Variants in RHBDD3 observed in about 807,000 individuals in gnomAD.
RHBDD3 encodes the protein rhomboid domain-containing protein 3.
RHBDD3 carries 34 observed loss-of-function variants against 32.3 expected under a neutral mutation model. That is an observed-to-expected ratio of 1.05 (90% CI 0.80 to 1.40). The LOEUF (loss-of-function observed/expected upper bound fraction) is 1.40, where lower values mean the gene tolerates loss of function less well. RHBDD3 is among the 40% of genes most tolerant of loss of function. The probability of loss-of-function intolerance (pLI) is 0.00; values close to 1 mark genes in which losing one functional copy is unlikely to be tolerated. For missense variants in RHBDD3, 482 were observed against 492.6 expected, an observed-to-expected ratio of 0.98 and a Z score of 0.20; for synonymous variants, 249 against 239.1, an observed-to-expected ratio of 1.04 and a Z score of -0.38.
chr22:29,268,138 C>T, upstream of RHBDD3: 1 of 650,634 alleles, frequency 1.5e-6, no homozygotes, highest in Non-Finnish European at 2.8e-6. Context: ...TCACGTCGGG[C>T]GCTCTTTAGA....
At position 29,264,018 on chromosome 22, in the gene RHBDD3, C is replaced by T. The variant is rs149340621; in HGVS notation, c.349G>A (p.Gly117Ser). 2.2e-5 allele frequency: 34 copies of T among 1,555,518 alleles called. No homozygotes were observed. The highest frequency in any genetic ancestry group is 2.5e-5 in the Non-Finnish European group (29 of 1,149,854). The change falls in exon 4 of 7, where the codon GGC becomes AGC. Residue 117 changes from glycine (G) to serine (S), a missense_variant. Physicochemically the swap from Gly to Ser is moderately conservative, Grantham distance 56 (BLOSUM62 0). Coordinates refer to ENST00000216085, the MANE Select transcript of RHBDD3 (RefSeq NM_012265.3). ...LAGLGLSSAAGSCGYMPVHLA... is the reference protein window; with the variant it reads ...LAGLGLSSAASSCGYMPVHLA... ...TGGACAGGCATGTATCCACAGCTGCCGGCTGCACTGGACAGCCCAAGGCCT... is the reference window on the plus strand; with the variant it reads ...TGGACAGGCATGTATCCACAGCTGCTGGCTGCACTGGACAGCCCAAGGCCT...
chr22:29,262,478 T>A (rs2058131185), intron 4 of RHBDD3, among the ~76,000 whole-genome samples: 1 of 152,192 alleles, frequency 6.6e-6, no homozygotes, highest in African/African-American at 2.4e-5. Context: ...AAAGTGTAAG[T>A]CTTCCAGGTT....
At position 29,259,903 on chromosome 22, in the gene RHBDD3, C is replaced by T. The variant is rs1052331603; in HGVS notation, c.*157G>A. On this transcript the variant is annotated 3_prime_UTR_variant, in exon 7 of 7. Coordinates refer to ENST00000216085, the MANE Select transcript of RHBDD3 (RefSeq NM_012265.3). ...AACAAACTGGTTTTTATTCTAAACACGTACTAGGGCAGCATGCTGGGGGGC... is the reference window on the plus strand; with the variant it reads ...AACAAACTGGTTTTTATTCTAAACATGTACTAGGGCAGCATGCTGGGGGGC... 8.7e-6 allele frequency: 6 copies of T among 688,932 alleles called. No homozygotes were observed. The highest frequency in any genetic ancestry group is 1.8e-5 in the African/African-American group (1 of 55,612). The allele number at this position is 688,932 out of a possible 1,614,324, so 42.7% of individuals were successfully genotyped here. A position where few individuals can be genotyped will look rare whatever the true frequency, so the allele number is the denominator to read the frequency against.
intron 4 of RHBDD3, 86 bp from the exon 5 acceptor site, chr22:29,260,950 A>C: frequency 2.3e-6 from 3 of 1,324,632 alleles, no homozygotes; most frequent in Non-Finnish European, 3.0e-6. Context: ...CCCCATGCCA[A>C]GTGTGCTGGC....
chr22:29,262,472 T>TA (rs1364331898), intron 4 of RHBDD3, among the ~76,000 whole-genome samples: 4 of 152,186 alleles, frequency 2.6e-5, no homozygotes, highest in African/African-American at 4.8e-5. Flanking sequence ...AATTGAAAAG[T>TA]GTAAGTCTTC....
rs1307368566 is a variant in RHBDD3, at chr22:29,264,346, C to A, written c.149-128G>T. 5 of 1,432,652 alleles carry A rather than the reference C, an allele frequency of 3.5e-6. No individual in the cohort carries two copies. The African/African-American group carries it at 5.8e-5, about 17-fold the overall frequency. 88.7% of individuals were successfully genotyped at this position (1,432,652 alleles called of 1,614,324 possible). A position where few individuals can be genotyped will look rare whatever the true frequency, so the allele number is the denominator to read the frequency against. ...TGAGCCCACCTCCCCTCCCCAGGAGCCAGTCTTCCCACAGCCAGCACTTAA... is the reference window on the plus strand; with the variant it reads ...TGAGCCCACCTCCCCTCCCCAGGAGACAGTCTTCCCACAGCCAGCACTTAA... On this transcript the variant is annotated intron_variant, in intron 3 of 6. Transcript: ENST00000216085.
chr22:29,265,556 A>G lies in RHBDD3; in HGVS notation c.71T>C (p.Leu24Pro). The G allele has an allele frequency of 6.3e-7, 1 of 1,588,316 alleles. No individual in the cohort carries two copies. Among genetic ancestry groups the G allele is most frequent in the Non-Finnish European group, 8.5e-7 (1 of 1,170,800 alleles). The change falls in exon 3 of 7, where the codon CTG (leucine) becomes CCG (proline). Residue 24 changes from leucine (L) to proline (P), a missense_variant. Coordinates refer to ENST00000216085, the MANE Select transcript of RHBDD3 (RefSeq NM_012265.3). ...CCCCACCAGCCACAGGGTGCTCATC[A>G]GCAGCATCAGGACTGAGGAGGCCAG... The part of the protein sequence containing the change: ...LPLASSVLML[L>P]MSTLWLVGAG...
Position 29,259,979 on chromosome 22 carries a change from C to A in RHBDD3, c.*81G>T. The A allele has an allele frequency of 7.0e-7, 1 of 1,432,086 alleles. No homozygotes were observed. Among genetic ancestry groups the A allele is most frequent in the South Asian group, 1.3e-5 (1 of 75,274 alleles). 88.7% of individuals were successfully genotyped at this position (1,432,086 alleles called of 1,614,324 possible). A position where few individuals can be genotyped will look rare whatever the true frequency, so the allele number is the denominator to read the frequency against. Reference sequence around the variant, plus strand: ...GCTCCCCACTGTGGCCCTCTTTAGACAGAGTAGGAGCTCGGGCTACCCACA... The same window carrying A: ...GCTCCCCACTGTGGCCCTCTTTAGAAAGAGTAGGAGCTCGGGCTACCCACA... On this transcript the variant is annotated 3_prime_UTR_variant, in exon 7 of 7. Coordinates refer to ENST00000216085, the MANE Select transcript of RHBDD3 (RefSeq NM_012265.3).
rs748730039 is a variant in RHBDD3 at position 29,260,778 on chromosome 22, C to A, written c.619G>T (p.Gly207Trp). The A allele has an allele frequency of 6.2e-7, 1 of 1,605,088 alleles. No homozygotes were observed. The highest frequency in any genetic ancestry group is 8.5e-7 in the Non-Finnish European group (1 of 1,176,864). ...QEGVLCRTLA[G>W]CWPLRLLATP... Reference sequence around the variant, plus strand: ...GCAAGGAGCCTCAGGGGCCAGCACCCCGCCAAGGTCCTGCACAAGACGCCC... The same window carrying A: ...GCAAGGAGCCTCAGGGGCCAGCACCACGCCAAGGTCCTGCACAAGACGCCC... Residue 207 changes from glycine to tryptophan, a missense_variant, in exon 5 of 7, where the codon GGG (glycine) becomes TGG (tryptophan). Gly to Trp is a radical substitution (Grantham distance 184). Coordinates refer to ENST00000216085, the MANE Select transcript of RHBDD3 (RefSeq NM_012265.3).
Position 29,265,632 on chromosome 22 carries a change from G to A in RHBDD3, c.-6C>T. 6.3e-7 allele frequency: 1 copy of A among 1,580,760 alleles called. No homozygotes were observed. Among genetic ancestry groups the A allele is most frequent in the Non-Finnish European group, 8.6e-7 (1 of 1,168,102 alleles). Reference sequence around the variant, plus strand: ...TGGGGGCCCCTGGCATGCATCGCTTGGTTGAGGACGGTCAAGGGTGGTCCT... The same window carrying A: ...TGGGGGCCCCTGGCATGCATCGCTTAGTTGAGGACGGTCAAGGGTGGTCCT... On this transcript the variant is annotated 5_prime_UTR_variant, in exon 3 of 7. Transcript: ENST00000216085.
In RHBDD3 at chr22:29,263,068, G is replaced by A. The variant is rs180959610; in HGVS notation, c.532+767C>T. The stretch of plus-strand genomic sequence containing the variant: ...TTTTTGTTTTTTGGGGTTTGAGACC[G>A]GGGTCTTGCCCTGTCGCCCAGGCTG... On this transcript the variant is annotated intron_variant, in intron 4 of 6. Coordinates refer to ENST00000216085, the MANE Select transcript of RHBDD3 (RefSeq NM_012265.3). 1.4e-4 allele frequency among the ~76,000 whole-genome samples: 21 copies of A among 151,996 alleles called. No homozygotes were observed. In the East Asian group the frequency reaches 3.3e-3, roughly 24 times the overall value.
intron 2 of RHBDD3, among the ~76,000 whole-genome samples, chr22:29,266,802 G>T (rs535548429): frequency 5.3e-5 from 8 of 152,222 alleles, no homozygotes; most frequent in African/African-American, 1.4e-4. Context: ...CCTGCCAAGC[G>T]CCTTCTCCAC....
chr22:29,265,296 C>T (rs1175925074), intron 3 of RHBDD3, 183 bp downstream of exon 3: 10 of 493,310 alleles, frequency 2.0e-5, no homozygotes, highest in Admixed American at 8.7e-5. Flanking sequence ...CCTAGGGAGT[C>T]CTCTGCCTCC....
chr22:29,260,089 C>A lies in RHBDD3; in HGVS notation c.1132G>T (p.Ala378Ser). 1 of 1,573,974 alleles carries A rather than the reference C, an allele frequency of 6.4e-7. No individual in the cohort carries two copies. Among genetic ancestry groups the A allele is most frequent in the South Asian group, 1.2e-5 (1 of 85,938 alleles). The change falls in exon 7 of 7, where the codon GCC (alanine) becomes TCC (serine). Residue 378 changes from alanine (A) to serine (S), a missense_variant. By Grantham distance (99) the Ala-to-Ser change is moderately conservative. Coordinates refer to ENST00000216085, the MANE Select transcript of RHBDD3 (RefSeq NM_012265.3). ...GGAGGCCCAGGACCCTCGGAGTGGGCAGGCCCACCCTTTCCATGGGTCACC... is the reference window on the plus strand; with the variant it reads ...GGAGGCCCAGGACCCTCGGAGTGGGAAGGCCCACCCTTTCCATGGGTCACC... The part of the protein sequence containing the change: ...TLVTHGKGGP[A>S]HSEGPGPP
rs2058238555 is a variant in RHBDD3 at position 29,267,434 on chromosome 22, G to C, written c.-51C>G. 6.5e-6 allele frequency: 1 copy of C among 152,862 alleles called. No homozygotes were observed. Among genetic ancestry groups the C allele is most frequent in the African/African-American group, 2.4e-5 (1 of 41,462 alleles). The allele number at this position is 152,862 out of a possible 1,614,324, so 9.5% of individuals were successfully genotyped here. A position where few individuals can be genotyped will look rare whatever the true frequency, so the allele number is the denominator to read the frequency against. ...CACCAGGCCCTGCCTACCTTACTGGGAAGCCGGGAGGGCAGAATGGAAAGA... is the reference window on the plus strand; with the variant it reads ...CACCAGGCCCTGCCTACCTTACTGGCAAGCCGGGAGGGCAGAATGGAAAGA... On this transcript the variant is annotated 5_prime_UTR_variant, in exon 2 of 7. Coordinates refer to ENST00000216085, the MANE Select transcript of RHBDD3 (RefSeq NM_012265.3).
At chr22:29,265,765 T>C in intron 2 of RHBDD3, 97 bp from the exon 3 acceptor site, 1 of 1,260,540 alleles carries the variant, frequency 7.9e-7, no homozygotes, top group South Asian at 1.8e-5. Context: ...TTTACAGAGG[T>C]GGAAACAGGC....
Position 29,263,876 on chromosome 22 carries a change from G to C in RHBDD3, c.491C>G (p.Pro164Arg). The C allele has an allele frequency of 6.5e-7, 1 of 1,545,600 alleles. No individual in the cohort carries two copies. The highest frequency in any genetic ancestry group is 1.2e-5 in the South Asian group (1 of 83,770). Residue 164 changes from proline (P) to arginine (R), a missense_variant, in exon 4 of 7, where the codon CCC becomes CGC. Transcript: ENST00000216085. ...GAGGCCGCAAAGGAGCTGCAGGAAG[G>C]GTGGCTCAGAGCTGAGCAGTGGGGT... ...ALTPLLSSEP[P>R]FLQLLCGLLA...
chr22:29,259,866 T>A (rs1336804153), downstream of RHBDD3: 4 of 595,420 alleles, frequency 6.7e-6, no homozygotes, highest in African/African-American at 7.4e-5. Flanking sequence ...TCCAAGGAGG[T>A]CCAGGTTGAA....
intron 4 of RHBDD3, among the ~76,000 whole-genome samples, chr22:29,263,368 G>C (rs1205861787): frequency 6.6e-6 from 1 of 152,086 alleles, no homozygotes; most frequent in African/African-American, 2.4e-5. Flanking sequence ...TAGTACAGAT[G>C]GGGTTTCACC....
Sources: allele counts gnomAD v4.1 joint callset (sites outside exome capture counted in the v4.1 genomes callset), GRCh38; gene constraint gnomAD v4.1.1; transcripts MANE v1.5; gene names NCBI Gene and HGNC (gene_info 2026-07-23, HGNC 2026-07-21).